ETNK1: variants seen among roughly 807,000 people sequenced by gnomAD.
ETNK1 encodes putative protein product of Nbla10396.
ETNK1 carries 8 observed loss-of-function variants against 45.1 expected under a neutral mutation model. The ratio of observed to expected loss-of-function variants is 0.18; its 90% CI spans 0.10 to 0.32. The LOEUF is 0.32. Among genes scored for constraint, ETNK1 ranks in the 10% least tolerant of loss-of-function variants. ETNK1 has a pLI of 1.00. For missense variants in ETNK1, 302 were observed against 430.6 expected, an observed-to-expected ratio of 0.70 and a Z score of 2.64; for synonymous variants, 152 against 151.9, an observed-to-expected ratio of 1.00 and a Z score of -0.01.
chr12:22,641,705 C>A (rs1385776090), intron 1 of ETNK1, among the ~76,000 whole-genome samples: 1 of 151,944 alleles, frequency 6.6e-6, no homozygotes, highest in Admixed American at 6.6e-5. Context: ...AATAAAGAAA[C>A]AAGATTTAAA....
intron 2 of ETNK1, among the ~76,000 whole-genome samples, chr12:22,652,385 CTAGATCA>C (rs1953888965): frequency 1.3e-5 from 2 of 152,176 alleles, no homozygotes; most frequent in Non-Finnish European, 2.9e-5. Flanking sequence ...AGTGGAATTG[CTAGATCA>C]TAATGGTAAT....
intron 2 of ETNK1, among the ~76,000 whole-genome samples, chr12:22,650,892 G>A (rs1051345178): frequency 6.6e-6 from 1 of 151,978 alleles, no homozygotes; most frequent in African/African-American, 2.4e-5. Context: ...GTTTATAGTT[G>A]TTCTGAAAAA....
chr12:22,629,999 T>A (rs1040031708), intron 1 of ETNK1, among the ~76,000 whole-genome samples: 1 of 152,222 alleles, frequency 6.6e-6, no homozygotes, highest in Non-Finnish European at 1.5e-5. Flanking sequence ...GATGTGACTA[T>A]GAAGACAGGA....
At chr12:22,660,729 A>G (rs1953991246) in intron 3 of ETNK1, among the ~76,000 whole-genome samples, 1 of 152,094 alleles carries the variant, frequency 6.6e-6, no homozygotes, top group South Asian at 2.1e-4. Context: ...TAGTTTTGTC[A>G]TCTATAAAAT....
At chr12:22,667,471 A>G (rs1363304045) in intron 4 of ETNK1, among the ~76,000 whole-genome samples, 1 of 152,154 alleles carries the variant, frequency 6.6e-6, no homozygotes, top group African/African-American at 2.4e-5. Context: ...GAGGAGTCCA[A>G]TCACTGAACA....
At chr12:22,671,842 A>T (rs1027486692) in intron 5 of ETNK1, among the ~76,000 whole-genome samples, 7 of 119,018 alleles carry the variant, frequency 5.9e-5, no homozygotes, top group South Asian at 2.5e-4. Context: ...CCATCTCATT[A>T]AAAAAAAAAA....
rs185335812 is a variant in ETNK1 at position 22,662,678 on chromosome 12, G to A, written c.700+1473G>A. Among the ~76,000 whole-genome samples, 63 of 152,268 alleles carry A rather than the reference G, an allele frequency of 4.1e-4. 1 individual carries two copies. In the East Asian group the frequency reaches 0.012, roughly 28 times the overall value. ...CTCCTAAAGTGCTGGGATTACTGGC[G>A]TGAGCCACTGTGCCTGGCCTGGAAA... On this transcript the variant is annotated intron_variant, in intron 4 of 7. Coordinates refer to ENST00000266517, the MANE Select transcript of ETNK1 (RefSeq NM_018638.5).
intron 1 of ETNK1, among the ~76,000 whole-genome samples, chr12:22,629,868 C>T (rs571905345): frequency 5.9e-5 from 9 of 152,158 alleles, no homozygotes; most frequent in Admixed American, 5.2e-4. Flanking sequence ...TGATTACATC[C>T]AGTTTTCTGT....
intron 6 of ETNK1, among the ~76,000 whole-genome samples, chr12:22,675,860 T>A (rs1329667975): frequency 1.3e-5 from 2 of 152,156 alleles, no homozygotes; most frequent in African/African-American, 4.8e-5. Flanking sequence ...TTAATAACAT[T>A]TCTGAATAAT....
chr12:22,649,734 T>C (rs554145110), intron 2 of ETNK1, among the ~76,000 whole-genome samples: 1 of 152,246 alleles, frequency 6.6e-6, no homozygotes, highest in Admixed American at 6.5e-5. Context: ...TTTTTACATT[T>C]TAAAATGGAC....
chr12:22,657,188 A>G (rs1220947639), intron 2 of ETNK1, among the ~76,000 whole-genome samples: 2 of 152,214 alleles, frequency 1.3e-5, no homozygotes, highest in South Asian at 2.1e-4. Context: ...TCTTGTGGAC[A>G]TGAGTGTATG....
chr12:22,627,150 A>AT (rs146943602), intron 1 of ETNK1, among the ~76,000 whole-genome samples: 35,078 of 150,472 alleles, frequency 0.23, 4,853 homozygotes, highest in Non-Finnish European at 0.33. Flanking sequence ...TAGTTAAATT[A>AT]TTTTTTTTTT....
chr12:22,655,796 C>T (rs1953933728), intron 2 of ETNK1, among the ~76,000 whole-genome samples: 2 of 152,108 alleles, frequency 1.3e-5, no homozygotes, highest in African/African-American at 4.8e-5. Context: ...AACTATATAA[C>T]AGGCCAAATA....
intron 1 of ETNK1, among the ~76,000 whole-genome samples, chr12:22,633,454 G>A (rs1243942158): frequency 6.6e-6 from 1 of 152,178 alleles, no homozygotes; most frequent in Non-Finnish European, 1.5e-5. Flanking sequence ...ACAGGACTTG[G>A]TATTTGATGT....
At chr12:22,657,538 G>T (rs960721186) in intron 2 of ETNK1, among the ~76,000 whole-genome samples, 2 of 151,334 alleles carry the variant, frequency 1.3e-5, no homozygotes, top group Non-Finnish European at 2.9e-5. Context: ...CTTTCCTTAG[G>T]ACTATCCATA....
At chr12:22,675,802 TA>T (rs1318620562) in intron 6 of ETNK1, among the ~76,000 whole-genome samples, 1 of 152,154 alleles carries the variant, frequency 6.6e-6, no homozygotes, top group Non-Finnish European at 1.5e-5. Flanking sequence ...AAGGTCTGAT[TA>T]AAAAAAGATA....
intron 5 of ETNK1, among the ~76,000 whole-genome samples, chr12:22,671,818 G>A (rs1017901373): frequency 1.4e-5 from 2 of 139,870 alleles, no homozygotes; most frequent in Non-Finnish European, 3.0e-5. Flanking sequence ...CAGCCTGGGC[G>A]ATAGAGCAAG....
intron 2 of ETNK1, chr12:22,656,805 A>G: frequency 1.0e-6 from 1 of 980,466 alleles, no homozygotes; most frequent in Non-Finnish European, 1.2e-6. Context: ...AGCAAATAAA[A>G]TCTGTTAGAG....
chr12:22,629,890 TC>T (rs1392389835), intron 1 of ETNK1, among the ~76,000 whole-genome samples: 1 of 152,170 alleles, frequency 6.6e-6, no homozygotes, highest in African/African-American at 2.4e-5. Context: ...TCCTATTCCC[TC>T]CCTGTCTTCA....
Sources: gnomAD v4.1 joint callset for allele counts (sites outside exome capture counted in the v4.1 genomes callset) on GRCh38, gnomAD v4.1.1 for gene constraint, MANE v1.5 for transcripts, NCBI Gene and HGNC (gene_info 2026-07-23, HGNC 2026-07-21) for gene names.